Variants in SPAG16 observed in about 807,000 individuals in gnomAD.
The protein encoded by SPAG16 is sperm associated antigen 16.
SPAG16 carries 86 observed loss-of-function variants against 80.4 expected under a neutral mutation model. The ratio of observed to expected loss-of-function variants is 1.07; its 90% CI spans 0.90 to 1.28. SPAG16 has a LOEUF of 1.28. Among genes scored for constraint, SPAG16 ranks in the 50% most tolerant of loss-of-function variants. The pLI is 0.00. For synonymous variants in SPAG16, 294 were observed against 265.9 expected (o/e 1.11, Z -1.03); for missense variants, 870 against 765.3 (o/e 1.14, Z -1.61).
At chr2:214,111,209 C>A (rs1349659608) in intron 14 of SPAG16, among the ~76,000 whole-genome samples, 1 of 152,240 alleles carries the variant, frequency 6.6e-6, no homozygotes. Context: ...CTTGCCCATA[C>A]CTATGTCCTG....
intron 5 of SPAG16, among the ~76,000 whole-genome samples, chr2:213,324,706 T>C (rs531680336): frequency 1.0e-3 from 152 of 152,278 alleles, no homozygotes; most frequent in African/African-American, 3.3e-3. Flanking sequence ...CTGTGAACAT[T>C]GAGGTACAAA....
intron 10 of SPAG16, among the ~76,000 whole-genome samples, chr2:213,666,646 G>A (rs2063615673): frequency 1.3e-5 from 2 of 152,110 alleles, no homozygotes; most frequent in African/African-American, 2.4e-5. Flanking sequence ...TCAGTTCAGA[G>A]GAGAGAATAC....
chr2:214,227,986 G>A (rs1359292414), intron 15 of SPAG16, among the ~76,000 whole-genome samples: 1 of 151,782 alleles, frequency 6.6e-6, no homozygotes. Context: ...TATTTACAGT[G>A]TTTTCTCTAT....
intron 15 of SPAG16, among the ~76,000 whole-genome samples, chr2:214,168,830 T>A (rs1161892643): frequency 1.3e-5 from 2 of 152,006 alleles, no homozygotes; most frequent in South Asian, 2.1e-4. Context: ...GGTTCCAGAC[T>A]CAGTATCTGA....
intron 15 of SPAG16, among the ~76,000 whole-genome samples, chr2:214,259,847 T>A (rs953227732): frequency 5.3e-5 from 8 of 152,180 alleles, no homozygotes; most frequent in Admixed American, 1.3e-4. Context: ...CTGCGTTATC[T>A]ACATAGAGAG....
intron 12 of SPAG16, among the ~76,000 whole-genome samples, chr2:213,972,691 A>C (rs1418043389): frequency 1.3e-5 from 2 of 152,186 alleles, no homozygotes; most frequent in Non-Finnish European, 2.9e-5. Context: ...TAATGCAGTC[A>C]AGTTTACACT....
At chr2:214,110,657 T>C (rs1019810011) in intron 14 of SPAG16, among the ~76,000 whole-genome samples, 34 of 152,236 alleles carry the variant, frequency 2.2e-4, no homozygotes, top group African/African-American at 8.0e-4. Context: ...TACCCAGTAA[T>C]GGGATGGCTG....
intron 9 of SPAG16, among the ~76,000 whole-genome samples, chr2:213,377,893 ATATATATATATTTTT>A (rs1366806672): frequency 2.4e-5 from 2 of 81,672 alleles, no homozygotes; most frequent in African/African-American, 2.0e-4. Flanking sequence ...ATATATATAT[ATATATATATATTTTT>A]TTTTTTTTTT....
intron 11 of SPAG16, among the ~76,000 whole-genome samples, chr2:213,911,188 C>T (rs1373939811): frequency 6.6e-6 from 1 of 152,186 alleles, no homozygotes; most frequent in Non-Finnish European, 1.5e-5. Flanking sequence ...TCACTCTGCC[C>T]AGGCTGGAAT....
At chr2:213,615,416 C>A (rs1307894383) in intron 10 of SPAG16, among the ~76,000 whole-genome samples, 1 of 152,124 alleles carries the variant, frequency 6.6e-6, no homozygotes, top group African/African-American at 2.4e-5. Context: ...GATGGTGAGA[C>A]CCTGTCTCTA....
intron 15 of SPAG16, among the ~76,000 whole-genome samples, chr2:214,384,891 T>C (rs139984052): frequency 1.8e-4 from 28 of 152,354 alleles, no homozygotes; most frequent in Admixed American, 4.6e-4. Context: ...CTGAGTCAAG[T>C]TGAATTCCTA....
intron 15 of SPAG16, among the ~76,000 whole-genome samples, chr2:214,375,049 G>A (rs6734364): frequency 0.014 from 2,167 of 152,154 alleles, 55 homozygotes; most frequent in African/African-American, 0.048. Context: ...TTTGAATTTG[G>A]GTCTTGAACA....
At chr2:214,288,132 A>G (rs1369297315) in intron 15 of SPAG16, among the ~76,000 whole-genome samples, 2 of 149,466 alleles carry the variant, frequency 1.3e-5, no homozygotes, top group East Asian at 4.0e-4. Context: ...TCTCCATGAG[A>G]TCAACTTTTT....
At chr2:213,518,262 A>G (rs1051332003) in intron 10 of SPAG16, among the ~76,000 whole-genome samples, 1 of 152,200 alleles carries the variant, frequency 6.6e-6, no homozygotes, top group Non-Finnish European at 1.5e-5. Flanking sequence ...ATCGTACACC[A>G]GGCAGAATGG....
At chr2:214,066,002 ATC>A (rs2050512090) in intron 13 of SPAG16, among the ~76,000 whole-genome samples, 1 of 152,160 alleles carries the variant, frequency 6.6e-6, no homozygotes, top group Non-Finnish European at 1.5e-5. Context: ...GCAGATTATC[ATC>A]TGTTCTAGAA....
intron 10 of SPAG16, among the ~76,000 whole-genome samples, chr2:213,580,516 C>G (rs2060265591): frequency 6.6e-6 from 1 of 152,032 alleles, no homozygotes. Context: ...GAAAGTATAT[C>G]TAAGATTTGT....
chr2:213,851,548 G>A (rs998946058), intron 10 of SPAG16, among the ~76,000 whole-genome samples: 60 of 152,270 alleles, frequency 3.9e-4, no homozygotes, highest in African/African-American at 1.4e-3. Flanking sequence ...ATGTTACAAT[G>A]TTCTATAACA....
intron 13 of SPAG16, among the ~76,000 whole-genome samples, chr2:214,039,283 C>T (rs2048879777): frequency 6.6e-6 from 1 of 152,184 alleles, no homozygotes; most frequent in Non-Finnish European, 1.5e-5. Flanking sequence ...TTGCATTTCT[C>T]TGATGGCCAG....
At chr2:213,819,477 C>T (rs1450980666) in intron 10 of SPAG16, among the ~76,000 whole-genome samples, 1 of 152,044 alleles carries the variant, frequency 6.6e-6, no homozygotes, top group African/African-American at 2.4e-5. Flanking sequence ...CTCTTATATT[C>T]TCAGTTAATA....
Sources: gnomAD v4.1 joint callset for allele counts (sites outside exome capture counted in the v4.1 genomes callset) on GRCh38, gnomAD v4.1.1 for gene constraint, MANE v1.5 for transcripts, NCBI Gene and HGNC (gene_info 2026-07-23, HGNC 2026-07-21) for gene names.